PARD3B: variants seen among roughly 807,000 people sequenced by gnomAD.
The protein encoded by PARD3B is par-3 family cell polarity regulator beta.
A neutral mutation model predicts 130.2 loss-of-function variants in PARD3B; 103 were observed. The ratio of observed to expected loss-of-function variants is 0.79; its 90% CI spans 0.67 to 0.93. The LOEUF (loss-of-function observed/expected upper bound fraction) is 0.93, where lower values mean the gene tolerates loss of function less well. PARD3B is among the 40% of genes least tolerant of loss of function. PARD3B has a pLI of 0.00. For synonymous variants in PARD3B, 583 were observed against 553.2 expected (o/e 1.05, Z -0.76); for missense variants, 1,609 against 1,499.2 (o/e 1.07, Z -1.21).
chr2:204,598,904 T>G (rs1197670293), intron 1 of PARD3B, among the ~76,000 whole-genome samples: 1 of 152,080 alleles, frequency 6.6e-6, no homozygotes, highest in Non-Finnish European at 1.5e-5. Flanking sequence ...TGCTAATAGC[T>G]GTGTTTGAGA....
intron 18 of PARD3B, among the ~76,000 whole-genome samples, chr2:205,381,375 C>G (rs1156606931): frequency 1.3e-5 from 2 of 150,612 alleles, no homozygotes; most frequent in Non-Finnish European, 1.5e-5. Flanking sequence ...GCTTGCTAAT[C>G]AAAATCAAGT....
intron 2 of PARD3B, among the ~76,000 whole-genome samples, chr2:204,886,296 A>T (rs986516657): frequency 6.6e-6 from 1 of 152,132 alleles, no homozygotes; most frequent in Admixed American, 6.6e-5. Context: ...TTTCCAGTCT[A>T]TTTTTATGAG....
At chr2:204,949,982 A>G (rs1689632456) in intron 2 of PARD3B, among the ~76,000 whole-genome samples, 1 of 152,228 alleles carries the variant, frequency 6.6e-6, no homozygotes, top group African/African-American at 2.4e-5. Flanking sequence ...GTCTTAAAGG[A>G]TGAATAAGAC....
Position 205,616,126 on chromosome 2 carries a change from C to G in PARD3B, c.*313C>G. 3.1e-6 allele frequency: 1 copy of G among 322,032 alleles called. No individual in the cohort carries two copies. Among genetic ancestry groups the G allele is most frequent in the Non-Finnish European group, 5.7e-6 (1 of 175,566 alleles). The allele number at this position is 322,032 out of a possible 1,614,324, so 19.9% of individuals were successfully genotyped here. A position where few individuals can be genotyped will look rare whatever the true frequency, so the allele number is the denominator to read the frequency against. On this transcript the variant is annotated 3_prime_UTR_variant, in exon 23 of 23. Transcript: ENST00000406610. ...AACACACAAACAACTAATTATGGAA[C>G]TCTACTCTGGGGATCCTCTCTGGCT...
chr2:205,050,067 A>G (rs1235311325), intron 4 of PARD3B, among the ~76,000 whole-genome samples: 2 of 152,046 alleles, frequency 1.3e-5, no homozygotes, highest in Non-Finnish European at 2.9e-5. Flanking sequence ...GGCCAAGTAC[A>G]TGGAAGATGC....
Position 205,121,899 on chromosome 2 carries a change from G to A in PARD3B, c.1115G>A (p.Gly372Glu), listed in dbSNP as rs748981738. 7.4e-6 allele frequency: 12 copies of A among 1,613,206 alleles called. No homozygotes were observed. The African/African-American group carries it at 1.2e-4, about 16-fold the overall frequency. Reference sequence around the variant, plus strand: ...TCTCCCTCACTCTCGCCTCTCATGGGATTTGGCAGCAATAAAAATGCAAAG... The same window carrying A: ...TCTCCCTCACTCTCGCCTCTCATGGAATTTGGCAGCAATAAAAATGCAAAG... ...PSSPSLSPLM[G>E]FGSNKNAKKI... Residue 372 changes from glycine to glutamate, a missense_variant, in exon 8 of 23, where the codon GGA (glycine) becomes GAA (glutamate). Physicochemically the swap from Gly to Glu is moderately conservative, Grantham distance 98. Coordinates refer to ENST00000406610, the MANE Select transcript of PARD3B (RefSeq NM_001302769.2). The surrounding 1 kb of genome is among the most constrained non-coding windows in gnomAD (Gnocchi z 5.0).
At chr2:205,378,300 TG>T (rs1358398222) in intron 18 of PARD3B, among the ~76,000 whole-genome samples, 4 of 152,156 alleles carry the variant, frequency 2.6e-5, no homozygotes, top group African/African-American at 4.8e-5. Flanking sequence ...TGTAAACTAC[TG>T]ATCTCAGTGC....
rs2040960385 is a variant in PARD3B at position 205,276,624 on chromosome 2, A to G, written c.2186-23906A>G. 6.6e-6 allele frequency among the ~76,000 whole-genome samples: 1 copy of G among 152,190 alleles called. No homozygotes were observed. The highest frequency in any genetic ancestry group is 6.5e-5 in the Admixed American group (1 of 15,274). On this transcript the variant is annotated intron_variant, in intron 16 of 22. Transcript: ENST00000406610. This position sits in a 1 kb window ranked among gnomAD's most constrained non-coding sequence, Gnocchi z 5.0. ...GGGGGATATTTATTCCGGGGAAGTC[A>G]GAGAAGCTCCAAAGTGGCTTGCAGC...
intron 2 of PARD3B, among the ~76,000 whole-genome samples, chr2:204,853,329 C>T (rs543110603): frequency 9.1e-4 from 139 of 152,170 alleles, no homozygotes; most frequent in Non-Finnish European, 1.6e-3. Flanking sequence ...TCAAGGAAGT[C>T]GTCTTGGTGG....
At chr2:204,742,688 A>G (rs2040058877) in intron 2 of PARD3B, among the ~76,000 whole-genome samples, 2 of 152,216 alleles carry the variant, frequency 1.3e-5, no homozygotes, top group African/African-American at 4.8e-5. Context: ...TTCCTGCAGT[A>G]AAATGACTTT....
Position 204,676,817 on chromosome 2 carries a change from G to A in PARD3B, c.121-9364G>A, listed in dbSNP as rs186576673. ...CCTGAGTAGCTGGGATTACAGGCAC[G>A]TGCCACCACGCCCAGCTAATTTTTA... On this transcript the variant is annotated intron_variant, in intron 1 of 22. Coordinates refer to ENST00000406610, the MANE Select transcript of PARD3B (RefSeq NM_001302769.2). 5.8e-3 allele frequency among the ~76,000 whole-genome samples: 885 copies of A among 151,690 alleles called. 4 individuals are homozygous for A. Among genetic ancestry groups the A allele is most frequent in the Non-Finnish European group, 0.01 (685 of 67,896 alleles).
chr2:204,580,709 A>G (rs2032510141), intron 1 of PARD3B, among the ~76,000 whole-genome samples: 1 of 152,150 alleles, frequency 6.6e-6, no homozygotes, highest in Non-Finnish European at 1.5e-5. Flanking sequence ...TTGTCCACGT[A>G]TGACCTCATT....
chr2:205,422,432 G>T (rs1410215507), intron 19 of PARD3B, among the ~76,000 whole-genome samples: 2 of 152,198 alleles, frequency 1.3e-5, no homozygotes, highest in Admixed American at 6.5e-5. Context: ...TGTCTGGGCT[G>T]CTGTTTAATG....
At chr2:204,932,892 C>T (rs564779636) in intron 2 of PARD3B, among the ~76,000 whole-genome samples, 1 of 152,200 alleles carries the variant, frequency 6.6e-6, no homozygotes, top group East Asian at 1.9e-4. Flanking sequence ...TAGTGGTAAC[C>T]CCAGGGTAAT....
In PARD3B at chr2:205,575,832, C is replaced by T. The variant is rs72935889; in HGVS notation, c.3260+22429C>T. Among the ~76,000 whole-genome samples, 24 of 152,226 alleles carry T rather than the reference C, an allele frequency of 1.6e-4. No homozygotes were observed. The South Asian group carries it at 2.9e-3, about 18-fold the overall frequency. ...CCATTATGAATAAAGATGCTGTAAACGTGTATGGGCAGGTTTTCTTGTGGA... is the reference window on the plus strand; with the variant it reads ...CCATTATGAATAAAGATGCTGTAAATGTGTATGGGCAGGTTTTCTTGTGGA... On this transcript the variant is annotated intron_variant, in intron 22 of 22. Coordinates refer to ENST00000406610, the MANE Select transcript of PARD3B (RefSeq NM_001302769.2). This position sits in a 1 kb window ranked among gnomAD's most constrained non-coding sequence, Gnocchi z 4.6.
At chr2:204,859,658 G>A (rs1164619614) in intron 2 of PARD3B, among the ~76,000 whole-genome samples, 4 of 152,124 alleles carry the variant, frequency 2.6e-5, no homozygotes, top group Admixed American at 6.6e-5. Context: ...ACATGTCATC[G>A]TAGTTGAGTT....
chr2:204,967,726 G>T lies in PARD3B; in HGVS notation c.394+2403G>T, dbSNP rs1189307275. Among the ~76,000 whole-genome samples, 1 of 152,220 alleles carries T rather than the reference G, an allele frequency of 6.6e-6. No individual in the cohort carries two copies. The highest frequency in any genetic ancestry group is 1.5e-5 in the Non-Finnish European group (1 of 68,042). On this transcript the variant is annotated intron_variant, in intron 3 of 22. Coordinates refer to ENST00000406610, the MANE Select transcript of PARD3B (RefSeq NM_001302769.2). The surrounding 1 kb of genome is among the most constrained non-coding windows in gnomAD (Gnocchi z 4.4). ...CGAAGTTAAAGAAGGAAGCAACACA[G>T]CCAGCTTTGGTCTCCACCCATTCTG...
At chr2:205,151,326 T>C (rs767359543) in intron 10 of PARD3B, among the ~76,000 whole-genome samples, 2 of 152,170 alleles carry the variant, frequency 1.3e-5, no homozygotes, top group Non-Finnish European at 2.9e-5. Context: ...TTGTTAACTT[T>C]CTGTCTCATT....
chr2:205,242,611 G>A lies in PARD3B; in HGVS notation c.2141-3167G>A, dbSNP rs76459112. On this transcript the variant is annotated intron_variant, in intron 15 of 22. Coordinates refer to ENST00000406610, the MANE Select transcript of PARD3B (RefSeq NM_001302769.2). ...AACAATGTAAAAGTACCTAGTGCCC[G>A]GCTGAAGCATAGTATGTTCTCAATT... is the stretch of plus-strand genomic sequence containing the variant. Among the ~76,000 whole-genome samples, 927 of 152,174 alleles carry A rather than the reference G, an allele frequency of 6.1e-3. 10 individuals carry two copies. The highest frequency in any genetic ancestry group is 0.021 in the African/African-American group (884 of 41,526).
Sources: allele counts gnomAD v4.1 joint callset (sites outside exome capture counted in the v4.1 genomes callset), GRCh38; gene constraint gnomAD v4.1.1; non-coding constraint Gnocchi (gnomAD v3.1); transcripts MANE v1.5; gene names NCBI Gene and HGNC (gene_info 2026-07-23, HGNC 2026-07-21).